Variants in PCMTD1 observed in about 807,000 individuals in gnomAD.
The protein encoded by PCMTD1 is protein-L-isoaspartate (D-aspartate) O-methyltransferase domain containing 1, also known as protein-L-isoaspartate O-methyltransferase domain-containing protein 1.
A neutral mutation model predicts 37.6 loss-of-function variants in PCMTD1; 12 were observed. The observed-to-expected ratio is 0.32, with a 90% CI of 0.20 to 0.52. PCMTD1 has a LOEUF of 0.52. Among genes scored for constraint, PCMTD1 ranks in the 20% least tolerant of loss-of-function variants. The pLI is 0.97. For synonymous variants in PCMTD1, 117 were observed against 135.8 expected (o/e 0.86, Z 0.96); for missense variants, 235 against 421.3 (o/e 0.56, Z 3.87).
intron 5 of PCMTD1, among the ~76,000 whole-genome samples, chr8:51,824,828 T>C (rs1027095999): frequency 6.6e-6 from 1 of 152,158 alleles, no homozygotes; most frequent in African/African-American, 2.4e-5. Context: ...AGCAGCATGG[T>C]ATGGTACCAA....
intron 1 of PCMTD1, among the ~76,000 whole-genome samples, chr8:51,862,421 A>T (rs4873615): frequency 0.98 from 149,585 of 152,252 alleles, 73,531 homozygotes; most frequent in East Asian, 1. Context: ...ACTCAGCATC[A>T]GAATGCAAAT....
In PCMTD1 at chr8:51,880,099, T is replaced by C. The variant is rs150605035; in HGVS notation, c.-96+18831A>G. Among the ~76,000 whole-genome samples, 172 of 150,988 alleles carry C rather than the reference T, an allele frequency of 1.1e-3. 1 individual carries two copies. Among genetic ancestry groups the C allele is most frequent in the Non-Finnish European group, 9.9e-4 (67 of 67,810 alleles). On this transcript the variant is annotated intron_variant, in intron 1 of 5. Coordinates refer to ENST00000522514, the MANE Select transcript of PCMTD1 (RefSeq NM_052937.4). Reference sequence around the variant, plus strand: ...CCTGAAGTCCCAGCTACTCAGGAGGTTGAGGCAGGGGGATCCCTTGGGACC... The same window carrying C: ...CCTGAAGTCCCAGCTACTCAGGAGGCTGAGGCAGGGGGATCCCTTGGGACC...
At chr8:51,870,967 T>G (rs1179163976) in intron 1 of PCMTD1, among the ~76,000 whole-genome samples, 3 of 152,182 alleles carry the variant, frequency 2.0e-5, no homozygotes, top group Admixed American at 2.0e-4. Flanking sequence ...TCTTTATCTA[T>G]AAAATGAAAA....
At chr8:51,890,743 T>C (rs556404875) in intron 1 of PCMTD1, among the ~76,000 whole-genome samples, 16 of 152,326 alleles carry the variant, frequency 1.1e-4, no homozygotes, top group Admixed American at 4.6e-4. Context: ...TGCTTGGCAG[T>C]ATAAATGTAG....
chr8:51,880,920 G>C (rs1164869444), intron 1 of PCMTD1, among the ~76,000 whole-genome samples: 1 of 152,142 alleles, frequency 6.6e-6, no homozygotes, highest in Admixed American at 6.5e-5. Flanking sequence ...ACTAAAATTG[G>C]AATGTCATAT....
intron 1 of PCMTD1, among the ~76,000 whole-genome samples, chr8:51,891,436 G>A (rs1029823936): frequency 1.3e-5 from 2 of 152,014 alleles, no homozygotes; most frequent in African/African-American, 4.8e-5. Context: ...GCACATGCCT[G>A]TAATCCCAGC....
intron 5 of PCMTD1, among the ~76,000 whole-genome samples, chr8:51,821,157 T>C (rs182715728): frequency 6.6e-6 from 1 of 152,312 alleles, no homozygotes; most frequent in African/African-American, 2.4e-5. Flanking sequence ...GTTTGTTTGT[T>C]TTGAAACAAG....
At position 51,845,781 on chromosome 8, in the gene PCMTD1, T is replaced by G. The variant is rs780314566; in HGVS notation, c.308-18A>C. The G allele has an allele frequency of 6.4e-7, 1 of 1,569,050 alleles. No individual in the cohort carries two copies. Among genetic ancestry groups the G allele is most frequent in the Non-Finnish European group, 8.8e-7 (1 of 1,142,086 alleles). On this transcript the variant is annotated intron_variant, in intron 2 of 5. Transcript: ENST00000522514. ...AAAAGGACCTGCAATCGTAGCAGCATTTTTATAAAAAATATTAATAATATG... is the reference window on the plus strand; with the variant it reads ...AAAAGGACCTGCAATCGTAGCAGCAGTTTTATAAAAAATATTAATAATATG...
intron 2 of PCMTD1, among the ~76,000 whole-genome samples, chr8:51,855,534 AAAAC>A (rs975908205): frequency 8.8e-5 from 13 of 147,030 alleles, no homozygotes; most frequent in East Asian, 4.1e-4. Flanking sequence ...CTCTGTCTCA[AAAAC>A]AAACAAACAA....
intron 3 of PCMTD1, among the ~76,000 whole-genome samples, chr8:51,837,783 A>G (rs894397049): frequency 1.3e-5 from 2 of 152,016 alleles, no homozygotes; most frequent in Non-Finnish European, 2.9e-5. Flanking sequence ...CTATCTATTT[A>G]TTTATTTTTA....
At chr8:51,856,950 A>G (rs969553653) in intron 2 of PCMTD1, among the ~76,000 whole-genome samples, 2 of 152,238 alleles carry the variant, frequency 1.3e-5, no homozygotes, top group Middle Eastern at 3.2e-3. Context: ...TTGTACTCTT[A>G]AATGAGTAAA....
In PCMTD1 at chr8:51,818,726, T is replaced by A. The variant is rs1445138908; in HGVS notation, c.*1625A>T. The A allele has an allele frequency of 6.6e-6, 1 of 152,332 alleles. No individual in the cohort carries two copies. Among genetic ancestry groups the A allele is most frequent in the Non-Finnish European group, 1.5e-5 (1 of 68,070 alleles). 9.4% of individuals were successfully genotyped at this position (152,332 alleles called of 1,614,324 possible). A position where few individuals can be genotyped will look rare whatever the true frequency, so the allele number is the denominator to read the frequency against. ...ACCTTCCATGAAACTGTCTTTCACA[T>A]AACTAAAATATCCTCACTTACTTGG... On this transcript the variant is annotated 3_prime_UTR_variant, in exon 6 of 6. Transcript: ENST00000522514.
intron 3 of PCMTD1, among the ~76,000 whole-genome samples, chr8:51,838,356 G>T (rs994660913): frequency 1.3e-5 from 2 of 151,706 alleles, no homozygotes; most frequent in Non-Finnish European, 2.9e-5. Context: ...AGGCACGGTA[G>T]CACGCGCCTA....
At chr8:51,869,073 A>T (rs2038601661) in intron 1 of PCMTD1, among the ~76,000 whole-genome samples, 1 of 103,276 alleles carries the variant, frequency 9.7e-6, no homozygotes, top group South Asian at 3.5e-4. Context: ...CAATTCCCCC[A>T]ATGTTAGACT....
At chr8:51,856,240 T>C (rs996190099) in intron 2 of PCMTD1, among the ~76,000 whole-genome samples, 2 of 152,164 alleles carry the variant, frequency 1.3e-5, no homozygotes, top group African/African-American at 2.4e-5. Flanking sequence ...AATATACTAA[T>C]GGCCCATAAG....
rs199878156 is a variant in PCMTD1 at position 51,891,694 on chromosome 8, A to G, written c.-96+7236T>C. On this transcript the variant is annotated intron_variant, in intron 1 of 5. Transcript: ENST00000522514. Reference sequence around the variant, plus strand: ...ACAAAAAATATATATATACATATATATGTATATATATATATATAGCTTCAG... The same window carrying G: ...ACAAAAAATATATATATACATATATGTGTATATATATATATATAGCTTCAG... Among the ~76,000 whole-genome samples the G allele has an allele frequency of 5.4e-5, 4 of 73,846 alleles. No individual in the cohort carries two copies. In the South Asian group the frequency reaches 2.1e-3, roughly 39 times the overall value. The allele number at this position is 73,846 out of a possible 152,430, so 48.4% of individuals were successfully genotyped here. A position where few individuals can be genotyped will look rare whatever the true frequency, so the allele number is the denominator to read the frequency against.
Position 51,820,202 on chromosome 8 carries a change from T to G in PCMTD1, c.*149A>C. On this transcript the variant is annotated 3_prime_UTR_variant, in exon 6 of 6. Transcript: ENST00000522514. ...GGGATTCTTTTATTCACTGAATACA[T>G]CATTTGTGTTACTGACAGAAACAAG... 2 of 600,754 alleles carry G rather than the reference T, an allele frequency of 3.3e-6. No individual in the cohort carries two copies. Among genetic ancestry groups the G allele is most frequent in the Non-Finnish European group, 5.2e-6 (2 of 382,792 alleles). The allele number at this position is 600,754 out of a possible 1,614,324, so 37.2% of individuals were successfully genotyped here. A position where few individuals can be genotyped will look rare whatever the true frequency, so the allele number is the denominator to read the frequency against.
chr8:51,842,892 C>T (rs958370256), intron 3 of PCMTD1, among the ~76,000 whole-genome samples: 2 of 151,988 alleles, frequency 1.3e-5, no homozygotes, highest in African/African-American at 2.4e-5. Flanking sequence ...ACATAATCAA[C>T]GATAATCTGG....
At chr8:51,877,021 A>G (rs1295830226) in intron 1 of PCMTD1, among the ~76,000 whole-genome samples, 1 of 152,254 alleles carries the variant, frequency 6.6e-6, no homozygotes, top group Non-Finnish European at 1.5e-5. Flanking sequence ...GAGAAACCCA[A>G]TGAATGCCAT....
Sources: gnomAD v4.1 joint callset for allele counts (sites outside exome capture counted in the v4.1 genomes callset) on GRCh38, gnomAD v4.1.1 for gene constraint, MANE v1.5 for transcripts, NCBI Gene and HGNC (gene_info 2026-07-23, HGNC 2026-07-21) for gene names.